The following ADGRB3 variants were observed in gnomAD, a reference collection of about 807,000 sequenced individuals.
ADGRB3 encodes brain-specific angiogenesis inhibitor 3.
In ADGRB3, 37 loss-of-function variants were observed where a neutral mutation model predicts 193.4. The ratio of observed to expected loss-of-function variants is 0.19; its 90% CI spans 0.15 to 0.25. ADGRB3 has a LOEUF of 0.25. ADGRB3 is among the 10% of genes least tolerant of loss of function. The probability of loss-of-function intolerance (pLI) is 1.00; values close to 1 mark genes in which losing one functional copy is unlikely to be tolerated. For missense variants in ADGRB3, 1,637 were observed against 1,852.9 expected (o/e 0.88, Z 2.14); for synonymous variants, 690 against 644.2 (o/e 1.07, Z -1.08).
chr6:69,177,887 T>G (rs967712182), intron 17 of ADGRB3, among the ~76,000 whole-genome samples: 4 of 152,218 alleles, frequency 2.6e-5, no homozygotes, highest in Non-Finnish European at 4.4e-5. Context: ...ATGGTCCATG[T>G]GCAGATGAGG....
At chr6:69,380,729 A>T (rs1007258187) in intron 30 of ADGRB3, among the ~76,000 whole-genome samples, 2 of 151,944 alleles carry the variant, frequency 1.3e-5, no homozygotes, top group Non-Finnish European at 2.9e-5. Flanking sequence ...TGTTTTCTTT[A>T]TCACGCTTAC....
At chr6:68,672,223 TG>T (rs1279706317) in intron 3 of ADGRB3, among the ~76,000 whole-genome samples, 1 of 152,056 alleles carries the variant, frequency 6.6e-6, no homozygotes, top group Non-Finnish European at 1.5e-5. Flanking sequence ...TATGTTTGCT[TG>T]ATCTTTTGTA....
intron 3 of ADGRB3, among the ~76,000 whole-genome samples, chr6:68,715,934 T>A (rs1357091786): frequency 1.3e-5 from 2 of 151,722 alleles, no homozygotes; most frequent in Admixed American, 6.6e-5. Flanking sequence ...TATTGGGGTG[T>A]ATGCATCTGG....
In ADGRB3 at chr6:69,138,226, T is replaced by A. The variant is rs904306179; in HGVS notation, c.2480+62188T>A. 3.3e-5 allele frequency among the ~76,000 whole-genome samples: 5 copies of A among 152,342 alleles called. No homozygotes were observed. The East Asian group carries it at 5.8e-4, about 18-fold the overall frequency. ...AGACTAGCTGGCAGTCTCTGCCACA[T>A]CCACTTTATTCAACAATACTGTTCC... On this transcript the variant is annotated intron_variant, in intron 17 of 31. Coordinates refer to ENST00000370598, the MANE Select transcript of ADGRB3 (RefSeq NM_001704.3).
intron 3 of ADGRB3, among the ~76,000 whole-genome samples, chr6:68,708,050 G>A (rs1249916959): frequency 6.6e-6 from 1 of 152,098 alleles, no homozygotes; most frequent in Non-Finnish European, 1.5e-5. Flanking sequence ...AGACTATCTG[G>A]AGAATTTCCA....
At chr6:69,102,074 A>C (rs1185473172) in intron 17 of ADGRB3, among the ~76,000 whole-genome samples, 1 of 149,016 alleles carries the variant, frequency 6.7e-6, no homozygotes, top group Non-Finnish European at 1.5e-5. Flanking sequence ...CAACTCGGAG[A>C]GGCTGAGGCA....
chr6:68,776,995 G>T (rs975252759), intron 3 of ADGRB3, among the ~76,000 whole-genome samples: 3 of 152,072 alleles, frequency 2.0e-5, no homozygotes, highest in African/African-American at 7.2e-5. Flanking sequence ...ATTATACTAT[G>T]ACCCATTTAG....
intron 17 of ADGRB3, among the ~76,000 whole-genome samples, chr6:69,197,296 G>T (rs1023165978): frequency 6.6e-6 from 1 of 151,906 alleles, no homozygotes; most frequent in Non-Finnish European, 1.5e-5. Context: ...TTTTACAAAT[G>T]TATGTATTTT....
intron 20 of ADGRB3, among the ~76,000 whole-genome samples, chr6:69,278,286 A>G (rs2127283504): frequency 6.6e-6 from 1 of 152,366 alleles, no homozygotes; most frequent in Non-Finnish European, 1.5e-5. Flanking sequence ...TGTTTTCATG[A>G]GAAAGCAAGA....
intron 3 of ADGRB3, among the ~76,000 whole-genome samples, chr6:68,808,379 T>C (rs955253453): frequency 2.0e-5 from 3 of 152,108 alleles, no homozygotes; most frequent in African/African-American, 7.2e-5. Flanking sequence ...TGTTACCTCT[T>C]TACTCCAATA....
intron 27 of ADGRB3, among the ~76,000 whole-genome samples, chr6:69,354,684 G>A (rs1271759535): frequency 6.6e-6 from 1 of 152,170 alleles, no homozygotes; most frequent in Non-Finnish European, 1.5e-5. Flanking sequence ...GTGGTTCTTG[G>A]CCTTAGTGAA....
At chr6:68,813,528 C>G (rs772172170) in intron 3 of ADGRB3, among the ~76,000 whole-genome samples, 22 of 151,100 alleles carry the variant, frequency 1.5e-4, no homozygotes, top group Non-Finnish European at 2.9e-4. Context: ...CATGCAGGAA[C>G]AGTGAAAGGA....
intron 16 of ADGRB3, among the ~76,000 whole-genome samples, chr6:69,066,667 T>C (rs934085622): frequency 5.3e-5 from 8 of 152,256 alleles, no homozygotes; most frequent in Admixed American, 2.6e-4. Flanking sequence ...GATGGCTTCA[T>C]TGTCATGACC....
chr6:68,854,910 G>C (rs1764936389), intron 3 of ADGRB3, among the ~76,000 whole-genome samples: 1 of 152,110 alleles, frequency 6.6e-6, no homozygotes, highest in Non-Finnish European at 1.5e-5. Flanking sequence ...AGATATTCAT[G>C]GAGATCCTAT....
intron 8 of ADGRB3, among the ~76,000 whole-genome samples, chr6:68,957,769 A>G (rs1368106570): frequency 6.6e-6 from 1 of 152,196 alleles, no homozygotes; most frequent in Non-Finnish European, 1.5e-5. Context: ...TCTAAGAGCT[A>G]TCCAGGAGTC....
intron 3 of ADGRB3, among the ~76,000 whole-genome samples, chr6:68,900,877 A>G (rs1044300533): frequency 3.3e-5 from 5 of 152,090 alleles, no homozygotes; most frequent in Non-Finnish European, 7.4e-5. Flanking sequence ...CCTCCCTACA[A>G]TGCTTCTGCA....
intron 3 of ADGRB3, among the ~76,000 whole-genome samples, chr6:68,740,561 TA>T (rs1765959611): frequency 6.6e-6 from 1 of 152,140 alleles, no homozygotes; most frequent in African/African-American, 2.4e-5. Flanking sequence ...AACTGTTTAT[TA>T]AAAAAATTCC....
chr6:68,999,189 A>G (rs1431328814), intron 11 of ADGRB3, among the ~76,000 whole-genome samples: 1 of 152,068 alleles, frequency 6.6e-6, no homozygotes, highest in Non-Finnish European at 1.5e-5. Context: ...CCCTTCAAGC[A>G]TATTCTTTTC....
chr6:69,020,546 T>C (rs1304154443), intron 13 of ADGRB3, among the ~76,000 whole-genome samples: 2 of 152,018 alleles, frequency 1.3e-5, no homozygotes, highest in Non-Finnish European at 2.9e-5. Flanking sequence ...CTGTAAGAGG[T>C]ATATTAAGCA....
Sources: allele counts gnomAD v4.1 joint callset (sites outside exome capture counted in the v4.1 genomes callset), GRCh38; gene constraint gnomAD v4.1.1; transcripts MANE v1.5; gene names NCBI Gene and HGNC (gene_info 2026-07-23, HGNC 2026-07-21).